The following SMARCC1 variants were observed in gnomAD, a reference collection of about 807,000 sequenced individuals.
SMARCC1 encodes the protein SWI/SNF related BAF chromatin remodeling complex subunit C1.
SMARCC1 carries 43 observed loss-of-function variants against 147.4 expected under a neutral mutation model. That is an observed-to-expected ratio of 0.29 (90% CI 0.23 to 0.38). SMARCC1 has a LOEUF of 0.38. Ranked by LOEUF, SMARCC1 falls within the 10% of genes least tolerant of loss-of-function variation. The probability of loss-of-function intolerance (pLI) is 1.00; values close to 1 mark genes in which losing one functional copy is unlikely to be tolerated. For synonymous variants in SMARCC1, 495 were observed against 484.4 expected, an observed-to-expected ratio of 1.02 and a Z score of -0.29; for missense variants, 1,119 against 1,381.1, an observed-to-expected ratio of 0.81 and a Z score of 3.01.
In SMARCC1 at chr3:47,633,771, T is replaced by C. The variant is rs1313984108; in HGVS notation, c.2646+1419A>G. 2.2e-4 allele frequency among the ~76,000 whole-genome samples: 3 copies of C among 13,924 alleles called. 1 individual carries two copies. In the South Asian group the frequency reaches 0.017, roughly 80 times the overall value. 9.1% of individuals were successfully genotyped at this position (13,924 alleles called of 152,430 possible). A position where few individuals can be genotyped will look rare whatever the true frequency, so the allele number is the denominator to read the frequency against. On this transcript the variant is annotated intron_variant, in intron 24 of 27. Coordinates refer to ENST00000254480, the MANE Select transcript of SMARCC1 (RefSeq NM_003074.4). ...AAAAAAAAAAAAAAAAAAATATATA[T>C]ATATATATACACACACACACACACA...
intron 21 of SMARCC1, among the ~76,000 whole-genome samples, chr3:47,640,403 GA>G (rs1386401315): frequency 6.6e-6 from 1 of 152,012 alleles, no homozygotes; most frequent in Non-Finnish European, 1.5e-5. Context: ...AGGAATGGAT[GA>G]AAGAAAGCTC....
chr3:47,619,627 C>G (rs1360449483), intron 25 of SMARCC1, among the ~76,000 whole-genome samples: 1 of 152,204 alleles, frequency 6.6e-6, no homozygotes, highest in East Asian at 1.9e-4. Flanking sequence ...CAGAGGGTGA[C>G]AGAGATGAAA....
intron 1 of SMARCC1, among the ~76,000 whole-genome samples, chr3:47,777,669 A>G (rs2034991612): frequency 6.6e-6 from 1 of 151,730 alleles, no homozygotes; most frequent in Admixed American, 6.6e-5. Flanking sequence ...CTGGGACTAC[A>G]GTCATGTGCC....
rs2034693162 is a variant in SMARCC1, at chr3:47,755,987, CTT to C, written c.316-9996_316-9995del. ...CCCGGGTGACAGAGCCAGGCTTCATCTTAAAAAAAAAAAAAAAAAAAAAAAAA... is the reference window on the plus strand; with the variant it reads ...CCCGGGTGACAGAGCCAGGCTTCATCAAAAAAAAAAAAAAAAAAAAAAAAA... On this transcript the variant is annotated intron_variant, in intron 2 of 27. Transcript: ENST00000254480. Among the ~76,000 whole-genome samples the C allele has an allele frequency of 1.3e-4, 9 of 66,782 alleles. No individual in the cohort carries two copies. In the South Asian group the frequency reaches 5.9e-3, roughly 44 times the overall value. The allele number at this position is 66,782 out of a possible 152,430, so 43.8% of individuals were successfully genotyped here. A position where few individuals can be genotyped will look rare whatever the true frequency, so the allele number is the denominator to read the frequency against.
intron 6 of SMARCC1, among the ~76,000 whole-genome samples, chr3:47,726,081 A>AAAAAAAAAAAAAAG (rs57153677): frequency 1.3e-5 from 2 of 148,772 alleles, no homozygotes; most frequent in South Asian, 2.1e-4. Flanking sequence ...AAAAAAAAAA[A>AAAAAAAAAAAAAAG]GGTGAATTTC....
chr3:47,759,940 GA>G, intron 2 of SMARCC1, among the ~76,000 whole-genome samples: 1 of 149,536 alleles, frequency 6.7e-6, no homozygotes, highest in South Asian at 2.1e-4. Context: ...TCCATCTCCA[GA>G]AAAAAAAGAA....
intron 25 of SMARCC1, among the ~76,000 whole-genome samples, chr3:47,616,096 A>G (rs2032639863): frequency 6.6e-6 from 1 of 152,244 alleles, no homozygotes; most frequent in African/African-American, 2.4e-5. Flanking sequence ...CAATGGCCTC[A>G]AAGTGTCTTT....
At chr3:47,736,153 A>C (rs766004298) in intron 4 of SMARCC1, 27 bp from the exon 5 acceptor site, 8 of 1,272,672 alleles carry the variant, frequency 6.3e-6, no homozygotes, top group Non-Finnish European at 9.0e-6. Context: ...CAGACTTTCA[A>C]ATTCTCTTAG....
chr3:47,636,928 T>C (rs1261477190), intron 22 of SMARCC1, among the ~76,000 whole-genome samples: 1 of 152,060 alleles, frequency 6.6e-6, no homozygotes, highest in East Asian at 1.9e-4. Context: ...GCTGGAAAAG[T>C]TGACAAAGTC....
intron 19 of SMARCC1, among the ~76,000 whole-genome samples, chr3:47,666,285 C>G (rs920270267): frequency 2.6e-5 from 4 of 152,174 alleles, no homozygotes; most frequent in Non-Finnish European, 5.9e-5. Flanking sequence ...ATCTACCTGG[C>G]TTGTTTGCAA....
At chr3:47,677,916 G>A (rs986253526) in intron 16 of SMARCC1, among the ~76,000 whole-genome samples, 8 of 151,958 alleles carry the variant, frequency 5.3e-5, no homozygotes, top group Admixed American at 1.3e-4. Context: ...TTCGGGAGGC[G>A]GAGGCAGGAG....
intron 3 of SMARCC1, among the ~76,000 whole-genome samples, chr3:47,740,674 T>C (rs1397822649): frequency 6.6e-6 from 1 of 151,986 alleles, no homozygotes; most frequent in Non-Finnish European, 1.5e-5. Flanking sequence ...ACAATGCTGA[T>C]ACAGCCCCAT....
At chr3:47,760,179 G>A (rs1007630173) in intron 2 of SMARCC1, among the ~76,000 whole-genome samples, 2 of 151,872 alleles carry the variant, frequency 1.3e-5, no homozygotes, top group African/African-American at 2.4e-5. Flanking sequence ...GCTGGGAATG[G>A]TGGTGCACAC....
chr3:47,751,080 T>A (rs1034122562), intron 2 of SMARCC1, among the ~76,000 whole-genome samples: 17 of 152,030 alleles, frequency 1.1e-4, no homozygotes, highest in Admixed American at 7.2e-4. Flanking sequence ...GTATTTTTAG[T>A]AGAGACAGGG....
chr3:47,674,859 T>A (rs76797450), intron 18 of SMARCC1, among the ~76,000 whole-genome samples: 68 of 152,336 alleles, frequency 4.5e-4, no homozygotes, highest in African/African-American at 1.6e-3. Flanking sequence ...GGGTTTCTAA[T>A]GATAAACATT....
At chr3:47,621,293 C>T (rs1388215619) in intron 25 of SMARCC1, among the ~76,000 whole-genome samples, 19 of 137,284 alleles carry the variant, frequency 1.4e-4, no homozygotes, top group South Asian at 6.7e-4. Context: ...GGCGAGACTC[C>T]GTCTCAAAAA....
chr3:47,644,382 G>A (rs1193000011), intron 21 of SMARCC1, among the ~76,000 whole-genome samples: 1 of 152,146 alleles, frequency 6.6e-6, no homozygotes, highest in East Asian at 1.9e-4. Context: ...TGTAGTCCCA[G>A]GTACCTGGGA....
chr3:47,775,941 A>T (rs532445723), intron 1 of SMARCC1, among the ~76,000 whole-genome samples: 16 of 152,290 alleles, frequency 1.1e-4, no homozygotes, highest in Admixed American at 7.8e-4. Context: ...TGAGGTCAGG[A>T]GTTCAAGACC....
chr3:47,593,692 AGATAATT>A (rs1180707522), intron 26 of SMARCC1, among the ~76,000 whole-genome samples: 1 of 152,228 alleles, frequency 6.6e-6, no homozygotes, highest in Non-Finnish European at 1.5e-5. Flanking sequence ...GCAGTACTGA[AGATAATT>A]CAAATACAGA....
Sources: allele counts gnomAD v4.1 joint callset (sites outside exome capture counted in the v4.1 genomes callset), GRCh38; gene constraint gnomAD v4.1.1; transcripts MANE v1.5; gene names NCBI Gene and HGNC (gene_info 2026-07-23, HGNC 2026-07-21).